Variants in FUBP3 observed in about 807,000 individuals in gnomAD.
FUBP3 encodes far upstream element-binding protein 3.
FUBP3 carries 28 observed loss-of-function variants against 85.6 expected under a neutral mutation model. That is an observed-to-expected ratio of 0.33 (90% CI 0.24 to 0.45). The LOEUF is 0.45. FUBP3 is among the 20% of genes least tolerant of loss of function. The probability of loss-of-function intolerance (pLI) is 1.00; values close to 1 mark genes in which losing one functional copy is unlikely to be tolerated. For synonymous variants in FUBP3, 271 were observed against 271.4 expected (o/e 1.00, Z 0.01); for missense variants, 583 against 755.1 (o/e 0.77, Z 2.67).
Position 130,635,448 on chromosome 9 carries a change from A to G in FUBP3, c.1583-551A>G, listed in dbSNP as rs570575466. ...GTTGGAAGAGATCGGGTTGAAGGCT[A>G]CCAGAGAAGTGGTCCCCCTGGTGTT... On this transcript the variant is annotated intron_variant, in intron 17 of 18. Transcript: ENST00000319725. This position sits in a 1 kb window ranked among gnomAD's most constrained non-coding sequence, Gnocchi z 4.3. 1.3e-5 allele frequency among the ~76,000 whole-genome samples: 2 copies of G among 152,254 alleles called. No homozygotes were observed. The highest frequency in any genetic ancestry group is 4.8e-5 in the African/African-American group (2 of 41,564).
At chr9:130,615,431 C>CA (rs1190502416) in intron 6 of FUBP3, among the ~76,000 whole-genome samples, 4 of 152,198 alleles carry the variant, frequency 2.6e-5, no homozygotes, top group Non-Finnish European at 5.9e-5. Context: ...TAGGAGGAAA[C>CA]AAATTTCATT....
At chr9:130,591,483 A>C (rs1307540342) in intron 1 of FUBP3, among the ~76,000 whole-genome samples, 1 of 151,772 alleles carries the variant, frequency 6.6e-6, no homozygotes, top group African/African-American at 2.4e-5. Context: ...GTTTAATTCT[A>C]TTAGGCATTT....
intron 1 of FUBP3, among the ~76,000 whole-genome samples, chr9:130,594,665 G>C (rs1026852106): frequency 6.6e-6 from 1 of 151,932 alleles, no homozygotes; most frequent in East Asian, 1.9e-4. Flanking sequence ...AGGCTGAGGC[G>C]GGAGGATGAC....
intron 2 of FUBP3, among the ~76,000 whole-genome samples, chr9:130,599,842 C>A (rs1831064597): frequency 6.6e-6 from 1 of 152,154 alleles, no homozygotes; most frequent in South Asian, 2.1e-4. Flanking sequence ...CTCCAGTAAC[C>A]AGGGAGGTGC....
rs566716357 is a variant in FUBP3, at chr9:130,586,528, A to G, written c.84+6764A>G. ...GCAATCCTCCTTCCTCAGCCTCCCC[A>G]GTAGCTGCCACCACACCCAGCTAAT... On this transcript the variant is annotated intron_variant, in intron 1 of 18. Coordinates refer to ENST00000319725, the MANE Select transcript of FUBP3 (RefSeq NM_003934.2). Among the ~76,000 whole-genome samples, 140 of 151,902 alleles carry G rather than the reference A, an allele frequency of 9.2e-4. No homozygotes were observed. The South Asian group carries it at 0.013, about 14-fold the overall frequency.
In FUBP3 at chr9:130,631,593, A is replaced by C. The variant is rs1830212220; in HGVS notation, c.1315A>C (p.Ser439Arg). The change falls in exon 14 of 19, where the codon AGT becomes CGT. Residue 439 changes from serine (S) to arginine (R), a missense_variant. Transcript: ENST00000319725. The stretch of plus-strand genomic sequence containing the variant: ...CGGAGCACCTGGAGCCTTCGGACAG[A>C]GTCCATTCAGCCAGCCACCTGCCCC... Reference protein sequence around the residue: ...NLGAPGAFGQSPFSQPPAPPH... With the variant: ...NLGAPGAFGQRPFSQPPAPPH... The C allele has an allele frequency of 6.2e-7, 1 of 1,614,062 alleles. No homozygotes were observed. The highest frequency in any genetic ancestry group is 8.5e-7 in the Non-Finnish European group (1 of 1,179,916).
At chr9:130,626,865 G>A (rs1340213388) in intron 12 of FUBP3, among the ~76,000 whole-genome samples, 4 of 152,148 alleles carry the variant, frequency 2.6e-5, no homozygotes, top group Admixed American at 6.5e-5. Flanking sequence ...TTAGAGGGAC[G>A]GTTGAGACAG....
rs1162021306 is a variant in FUBP3 at position 130,620,427 on chromosome 9, T to G, written c.740T>G (p.Phe247Cys). ...QADFRGVRGD[F>C]NSRMGGGSIE... ...GACTTTCGGGGTGTACGCGGCGATT[T>G]CAACTCTCGAATGGGAGGAGGCAGT... The change falls in exon 9 of 19, where the codon TTC (phenylalanine) becomes TGC (cysteine). Residue 247 changes from phenylalanine (F) to cysteine (C), a missense_variant. By Grantham distance (205) the Phe-to-Cys change is radical (BLOSUM62 -2). This residue lies in a region of FUBP3 where 404 missense variants were observed against 516.8 expected (regional missense o/e 0.78). Transcript: ENST00000319725. The G allele has an allele frequency of 6.2e-7, 1 of 1,601,304 alleles. No homozygotes were observed.
intron 1 of FUBP3, among the ~76,000 whole-genome samples, chr9:130,594,852 C>A (rs1485978276): frequency 6.9e-6 from 1 of 143,956 alleles, no homozygotes; most frequent in Non-Finnish European, 1.5e-5. Flanking sequence ...GAAGAAAGTT[C>A]TTCAATTGTT....
At chr9:130,627,623 G>A (rs1830030604) in intron 12 of FUBP3, among the ~76,000 whole-genome samples, 2 of 152,224 alleles carry the variant, frequency 1.3e-5, no homozygotes, top group South Asian at 4.1e-4. Context: ...ATGGGTTCGT[G>A]TTCATTTGCC....
chr9:130,594,607 A>T (rs1289351152), intron 1 of FUBP3, among the ~76,000 whole-genome samples: 5 of 152,016 alleles, frequency 3.3e-5, no homozygotes, highest in Non-Finnish European at 7.4e-5. Flanking sequence ...AATTTTAAAA[A>T]ATTTAGCTGG....
intron 1 of FUBP3, among the ~76,000 whole-genome samples, chr9:130,591,084 G>A (rs1030253658): frequency 6.6e-6 from 1 of 150,748 alleles, no homozygotes; most frequent in African/African-American, 2.4e-5. Flanking sequence ...TGTTTCTGCC[G>A]CTTATAAGAT....
chr9:130,617,965 T>C, intron 8 of FUBP3, 70 bp downstream of exon 8: 1 of 692,788 alleles, frequency 1.4e-6, no homozygotes, highest in Non-Finnish European at 2.5e-6. Context: ...CCTAGAGCTT[T>C]TATCTTCCTC....
At chr9:130,583,471 G>T (rs1830215987) in intron 1 of FUBP3, among the ~76,000 whole-genome samples, 1 of 152,214 alleles carries the variant, frequency 6.6e-6, no homozygotes, top group Non-Finnish European at 1.5e-5. Context: ...ACATGGTTTT[G>T]ACTCCCGGCT....
intron 9 of FUBP3, among the ~76,000 whole-genome samples, chr9:130,622,192 C>T (rs1287397390): frequency 1.3e-5 from 2 of 151,132 alleles, no homozygotes; most frequent in South Asian, 2.1e-4. Context: ...GGCATGGTGG[C>T]GGGTGCCTGT....
chr9:130,619,354 C>G (rs962393527), intron 8 of FUBP3, among the ~76,000 whole-genome samples: 1 of 149,630 alleles, frequency 6.7e-6, no homozygotes, highest in Non-Finnish European at 1.5e-5. Context: ...ACTTAGGGCA[C>G]CTATGTATCT....
rs1375118881 is a variant in FUBP3, at chr9:130,636,053, C to T, written c.1637C>T (p.Ala546Val). ...QASSPPDYTM[A>V]WAEYYRQQVA... Reference sequence around the variant, plus strand: ...AGCTCCCCACCGGACTACACAATGGCCTGGGCAGAATATTACAGACAGCAG... The same window carrying T: ...AGCTCCCCACCGGACTACACAATGGTCTGGGCAGAATATTACAGACAGCAG... Residue 546 changes from alanine to valine, a missense_variant, in exon 18 of 19, where the codon GCC becomes GTC. Coordinates refer to ENST00000319725, the MANE Select transcript of FUBP3 (RefSeq NM_003934.2). 3 of 1,613,762 alleles carry T rather than the reference C, an allele frequency of 1.9e-6. No individual in the cohort carries two copies. The highest frequency in any genetic ancestry group is 1.3e-5 in the African/African-American group (1 of 74,944).
intron 8 of FUBP3, 68 bp from the exon 9 acceptor site, chr9:130,620,286 T>G (rs768132685): frequency 4.1e-5 from 38 of 918,656 alleles, no homozygotes; most frequent in Non-Finnish European, 6.1e-5. Context: ...GATCTTGAAA[T>G]TTCACCTGGT....
chr9:130,632,931 G>A (rs1036410410), intron 16 of FUBP3, among the ~76,000 whole-genome samples: 16 of 152,380 alleles, frequency 1.1e-4, no homozygotes, highest in African/African-American at 3.4e-4. Context: ...ACCTTAGTAC[G>A]ATCCACGTTC....
Sources: allele counts gnomAD v4.1 joint callset (sites outside exome capture counted in the v4.1 genomes callset), GRCh38; gene constraint gnomAD v4.1.1; regional missense constraint gnomAD v4.1.1; non-coding constraint Gnocchi (gnomAD v3.1); transcripts MANE v1.5; gene names NCBI Gene and HGNC (gene_info 2026-07-23, HGNC 2026-07-21).